Variants in FRMD4A observed in about 807,000 individuals in gnomAD.
FRMD4A encodes FERM domain containing 4A, also known as FERM domain-containing protein 4A.
A neutral mutation model predicts 129.1 loss-of-function variants in FRMD4A; 29 were observed. The observed-to-expected ratio is 0.22, with a 90% CI of 0.17 to 0.31. The LOEUF (loss-of-function observed/expected upper bound fraction) is 0.31, where lower values mean the gene tolerates loss of function less well. FRMD4A is among the 10% of genes least tolerant of loss of function. The probability of loss-of-function intolerance (pLI) is 1.00; values close to 1 mark genes in which losing one functional copy is unlikely to be tolerated. For synonymous variants in FRMD4A, 634 were observed against 571.6 expected (o/e 1.11, Z -1.56); for missense variants, 1,272 against 1,375.8 (o/e 0.92, Z 1.19).
chr10:14,095,277 T>A (rs1836890031), intron 2 of FRMD4A, among the ~76,000 whole-genome samples: 1 of 152,144 alleles, frequency 6.6e-6, no homozygotes, highest in South Asian at 2.1e-4. Flanking sequence ...TAAATGTTTC[T>A]CTCCCCAGGA....
intron 2 of FRMD4A, among the ~76,000 whole-genome samples, chr10:14,223,741 A>C (rs1287591897): frequency 8.3e-6 from 1 of 120,102 alleles, no homozygotes; most frequent in African/African-American, 3.7e-5. Flanking sequence ...ACCATGTCTC[A>C]AAATGAAAAA....
At chr10:14,091,428 T>C (rs1312423404) in intron 2 of FRMD4A, among the ~76,000 whole-genome samples, 2 of 151,942 alleles carry the variant, frequency 1.3e-5, no homozygotes, top group African/African-American at 4.8e-5. Context: ...AGTTTTTTGG[T>C]TTTGTTTTGT....
chr10:13,659,534 C>A (rs2082461932), intron 20 of FRMD4A, 44 bp from the exon 21 acceptor site: 1 of 1,582,598 alleles, frequency 6.3e-7, no homozygotes, highest in Non-Finnish European at 8.6e-7. Flanking sequence ...AGACAGACAG[C>A]ACCTTTCCTG....
At chr10:13,743,015 T>C (rs910502162) in intron 9 of FRMD4A, among the ~76,000 whole-genome samples, 1 of 152,188 alleles carries the variant, frequency 6.6e-6, no homozygotes, top group Non-Finnish European at 1.5e-5. Flanking sequence ...TACTCTGGAA[T>C]TTGATGCATA....
At chr10:14,000,626 G>A in intron 2 of FRMD4A, among the ~76,000 whole-genome samples, 1 of 102,210 alleles carries the variant, frequency 9.8e-6, no homozygotes, top group African/African-American at 3.9e-5. Flanking sequence ...CAGCCTGGGT[G>A]ACAGAGCAAG....
intron 2 of FRMD4A, among the ~76,000 whole-genome samples, chr10:14,176,929 A>G (rs1841750016): frequency 6.6e-6 from 1 of 152,216 alleles, no homozygotes; most frequent in African/African-American, 2.4e-5. Flanking sequence ...GCCCTGAACC[A>G]TTAAAACGAC....
chr10:13,740,478 C>G (rs1024829995), intron 10 of FRMD4A, 34 bp downstream of exon 10: 1 of 1,261,382 alleles, frequency 7.9e-7, no homozygotes, highest in Non-Finnish European at 1.2e-6. Flanking sequence ...CACACAAACA[C>G]TGTCCCCATG....
chr10:14,040,982 A>C (rs1833757247), intron 2 of FRMD4A, among the ~76,000 whole-genome samples: 1 of 152,210 alleles, frequency 6.6e-6, no homozygotes, highest in Non-Finnish European at 1.5e-5. Context: ...AAGTGCCAGG[A>C]TTTTGGAGTG....
At chr10:14,030,435 G>A (rs1833183518) in intron 2 of FRMD4A, among the ~76,000 whole-genome samples, 1 of 152,164 alleles carries the variant, frequency 6.6e-6, no homozygotes, top group Admixed American at 6.5e-5. Context: ...CATAAAGATG[G>A]AAAAGAAAAC....
intron 17 of FRMD4A, among the ~76,000 whole-genome samples, chr10:13,666,895 GCTTTT>G (rs796404138): frequency 9.2e-4 from 134 of 145,330 alleles, no homozygotes; most frequent in East Asian, 1.8e-3. Flanking sequence ...TCTTTCGGGA[GCTTTT>G]CTTTTCTTTT....
At chr10:13,943,406 T>G (rs1204886494) in intron 2 of FRMD4A, among the ~76,000 whole-genome samples, 1 of 151,816 alleles carries the variant, frequency 6.6e-6, no homozygotes, top group African/African-American at 2.4e-5. Flanking sequence ...TCCCAGTACT[T>G]TGGGAGGCTG....
At chr10:13,750,113 A>AAAAG (rs762354382) in intron 8 of FRMD4A, among the ~76,000 whole-genome samples, 1 of 108,160 alleles carries the variant, frequency 9.2e-6, no homozygotes, top group African/African-American at 3.5e-5. Context: ...AGAAATGAAG[A>AAAAG]AAGAAAGAAA....
intron 8 of FRMD4A, among the ~76,000 whole-genome samples, chr10:13,751,583 T>C (rs1196912905): frequency 6.6e-6 from 1 of 152,222 alleles, no homozygotes; most frequent in Non-Finnish European, 1.5e-5. Context: ...CTAACGAATG[T>C]TCTAGAAGTT....
chr10:13,687,442 T>G (rs2085195809), intron 15 of FRMD4A, among the ~76,000 whole-genome samples: 1 of 151,866 alleles, frequency 6.6e-6, no homozygotes, highest in East Asian at 1.9e-4. Flanking sequence ...ACCCAGTTAT[T>G]GTTGCTTTGT....
Position 13,823,636 on chromosome 10 carries a change from AC to A in FRMD4A, c.112-12729del, listed in dbSNP as rs374564330. On this transcript the variant is annotated intron_variant, in intron 3 of 24. Transcript: ENST00000357447. ...AGCCTGCCCTGCAGACTCTGTGATG[AC>A]CCCATCTTGTCCTGCAGTGAGTAAT... 3.7e-3 allele frequency among the ~76,000 whole-genome samples: 557 copies of A among 152,138 alleles called. 1 individual carries two copies. The highest frequency in any genetic ancestry group is 0.013 in the African/African-American group (525 of 41,492).
At chr10:14,264,595 G>A (rs953136996) in intron 2 of FRMD4A, among the ~76,000 whole-genome samples, 2 of 152,118 alleles carry the variant, frequency 1.3e-5, no homozygotes, top group African/African-American at 4.8e-5. Context: ...ATGGATGCAC[G>A]TTCGATTTTG....
intron 2 of FRMD4A, among the ~76,000 whole-genome samples, chr10:14,167,948 G>A (rs1474793865): frequency 6.6e-6 from 1 of 152,234 alleles, no homozygotes; most frequent in African/African-American, 2.4e-5. Context: ...AGGATCACCT[G>A]CATCAGAGTC....
rs1413058531 is a variant in FRMD4A, at chr10:13,868,105, A to G, written c.46-9193T>C. Among the ~76,000 whole-genome samples, 3 of 151,074 alleles carry G rather than the reference A, an allele frequency of 2.0e-5. No individual in the cohort carries two copies. In the East Asian group the frequency reaches 5.9e-4, roughly 30 times the overall value. Reference sequence around the variant, plus strand: ...CCCATCTCAAAAATAAAATTCATCAATTCCCTGTCCACACTTCACTTATAC... The same window carrying G: ...CCCATCTCAAAAATAAAATTCATCAGTTCCCTGTCCACACTTCACTTATAC... On this transcript the variant is annotated intron_variant, in intron 2 of 24. Transcript: ENST00000357447.
rs758507920 is a variant in FRMD4A at position 13,933,339 on chromosome 10, A to G, written c.46-74427T>C. On this transcript the variant is annotated intron_variant, in intron 2 of 24. Coordinates refer to ENST00000357447, the MANE Select transcript of FRMD4A (RefSeq NM_018027.5). Reference sequence around the variant, plus strand: ...GGGCATACACCAAGTAACCAATGGAATCGTCTGGAAGGTATTTAAATCCCC... The same window carrying G: ...GGGCATACACCAAGTAACCAATGGAGTCGTCTGGAAGGTATTTAAATCCCC... Among the ~76,000 whole-genome samples, 52 of 152,306 alleles carry G rather than the reference A, an allele frequency of 3.4e-4. 1 individual carries two copies. Among genetic ancestry groups the G allele is most frequent in the Non-Finnish European group, 6.5e-4 (44 of 68,038 alleles).
Sources: allele counts gnomAD v4.1 joint callset (sites outside exome capture counted in the v4.1 genomes callset), GRCh38; gene constraint gnomAD v4.1.1; transcripts MANE v1.5; gene names NCBI Gene and HGNC (gene_info 2026-07-23, HGNC 2026-07-21).